Variants in FHIT observed in about 807,000 individuals in gnomAD.
The protein encoded by FHIT is bis(5'-adenosyl)-triphosphatase.
In FHIT, 19 loss-of-function variants were observed where a neutral mutation model predicts 17.9. That is an observed-to-expected ratio of 1.06 (90% confidence interval 0.74 to 1.56). The LOEUF (loss-of-function observed/expected upper bound fraction) is 1.56, where lower values mean the gene tolerates loss of function less well. Ranked by LOEUF, FHIT falls within the 40% of genes most tolerant of loss-of-function variation. The probability of loss-of-function intolerance (pLI) is 0.00; values close to 1 mark genes in which losing one functional copy is unlikely to be tolerated. For synonymous variants in FHIT, 81 were observed against 69.7 expected (o/e 1.16, Z -0.81); for missense variants, 248 against 189.2 (o/e 1.31, Z -1.82).
chr3:60,659,209 T>G (rs1553690453), intron 4 of FHIT, among the ~76,000 whole-genome samples: 1 of 152,106 alleles, frequency 6.6e-6, no homozygotes, highest in East Asian at 1.9e-4. Flanking sequence ...ATTCTCTCTT[T>G]GTCTTTCAAC....
chr3:61,193,878 T>C (rs1326668072), intron 2 of FHIT, among the ~76,000 whole-genome samples: 2 of 152,126 alleles, frequency 1.3e-5, no homozygotes, highest in Admixed American at 6.5e-5. Flanking sequence ...GCATAACAAA[T>C]GTATTTAATC....
chr3:59,849,746 G>C (rs992437132), intron 8 of FHIT, among the ~76,000 whole-genome samples: 1 of 152,174 alleles, frequency 6.6e-6, no homozygotes, highest in East Asian at 1.9e-4. Flanking sequence ...AGTAAGACTT[G>C]TAATGTTTTC....
chr3:61,103,547 AG>A (rs1405991694), intron 2 of FHIT, among the ~76,000 whole-genome samples: 1 of 152,206 alleles, frequency 6.6e-6, no homozygotes, highest in East Asian at 1.9e-4. Context: ...TGGAGTGGAG[AG>A]TTCTGTAGAT....
chr3:60,857,666 C>T (rs902049620), intron 3 of FHIT, among the ~76,000 whole-genome samples: 10 of 152,230 alleles, frequency 6.6e-5, no homozygotes, highest in African/African-American at 2.4e-4. Context: ...CCTGGTGGCT[C>T]ATGCCTGTAA....
chr3:61,186,957 T>C (rs1252859096), intron 2 of FHIT, among the ~76,000 whole-genome samples: 2 of 152,200 alleles, frequency 1.3e-5, no homozygotes, highest in African/African-American at 4.8e-5. Context: ...TGATGTTTCC[T>C]AAATAAGATT....
At chr3:61,030,031 A>T (rs1379218612) in intron 3 of FHIT, among the ~76,000 whole-genome samples, 2 of 152,148 alleles carry the variant, frequency 1.3e-5, no homozygotes, top group Non-Finnish European at 2.9e-5. Flanking sequence ...GTGCAGTGGT[A>T]CTATCTCAGC....
At chr3:61,210,038 T>A (rs1480260208) in intron 1 of FHIT, among the ~76,000 whole-genome samples, 2 of 152,230 alleles carry the variant, frequency 1.3e-5, no homozygotes, top group African/African-American at 2.4e-5. Context: ...ACAGTCAGGA[T>A]GCTCAGCTGC....
intron 6 of FHIT, among the ~76,000 whole-genome samples, chr3:60,013,206 G>C (rs1428090065): frequency 6.6e-6 from 1 of 152,196 alleles, no homozygotes; most frequent in Non-Finnish European, 1.5e-5. Context: ...CTATGGTAAA[G>C]AGCTAAGGAG....
chr3:61,189,043 T>C (rs1020939597), intron 2 of FHIT, among the ~76,000 whole-genome samples: 13 of 152,132 alleles, frequency 8.5e-5, no homozygotes, highest in South Asian at 6.2e-4. Context: ...TGCCCTCTCT[T>C]ACCACTCCTA....
At chr3:60,407,187 C>A (rs1287049593) in intron 5 of FHIT, among the ~76,000 whole-genome samples, 1 of 143,194 alleles carries the variant, frequency 7.0e-6, no homozygotes, top group African/African-American at 2.6e-5. Context: ...TACTGACAAT[C>A]ATGGATCTGG....
chr3:60,960,341 T>C (rs992901560), intron 3 of FHIT, among the ~76,000 whole-genome samples: 1 of 152,186 alleles, frequency 6.6e-6, no homozygotes, highest in East Asian at 1.9e-4. Flanking sequence ...CTGTTGCTCT[T>C]GGTTGGACTC....
intron 3 of FHIT, among the ~76,000 whole-genome samples, chr3:60,897,101 T>A (rs990194916): frequency 6.6e-6 from 1 of 152,218 alleles, no homozygotes; most frequent in Non-Finnish European, 1.5e-5. Context: ...TATCTTCTGG[T>A]GATCACTCCA....
intron 5 of FHIT, among the ~76,000 whole-genome samples, chr3:60,092,057 CAAAT>C (rs1403411927): frequency 3.3e-5 from 5 of 152,214 alleles, no homozygotes; most frequent in South Asian, 4.2e-4. Context: ...TCGTAGAAGA[CAAAT>C]AAAGGCATTT....
chr3:61,240,753 C>T (rs2040355255), intron 1 of FHIT, among the ~76,000 whole-genome samples: 2 of 152,178 alleles, frequency 1.3e-5, no homozygotes, highest in Non-Finnish European at 1.5e-5. Flanking sequence ...CCCTTCTTTA[C>T]ATAATTTTAA....
At chr3:61,126,501 A>C (rs1176189989) in intron 2 of FHIT, among the ~76,000 whole-genome samples, 2 of 152,090 alleles carry the variant, frequency 1.3e-5, no homozygotes, top group Non-Finnish European at 2.9e-5. Context: ...AAGGGCAGGG[A>C]AAACTGCCTT....
chr3:61,022,912 G>A (rs2107650100), intron 3 of FHIT, among the ~76,000 whole-genome samples: 1 of 152,318 alleles, frequency 6.6e-6, no homozygotes, highest in Non-Finnish European at 1.5e-5. Flanking sequence ...AAAGCTGGAA[G>A]CATTCCCTTT....
intron 3 of FHIT, among the ~76,000 whole-genome samples, chr3:61,014,104 A>T (rs553902198): frequency 6.6e-6 from 1 of 152,232 alleles, no homozygotes; most frequent in African/African-American, 2.4e-5. Flanking sequence ...CCAGATTCCT[A>T]CTCAAGCTGC....
chr3:60,716,298 T>G (rs563034330), intron 4 of FHIT, among the ~76,000 whole-genome samples: 1 of 152,178 alleles, frequency 6.6e-6, no homozygotes. Flanking sequence ...ACCCTTAGTT[T>G]AAAACACAAA....
At chr3:60,315,992 A>G (rs916996891) in intron 5 of FHIT, among the ~76,000 whole-genome samples, 1 of 152,214 alleles carries the variant, frequency 6.6e-6, no homozygotes, top group East Asian at 1.9e-4. Context: ...TTGTCCTTCC[A>G]TATTGACCTT....
Sources: gnomAD v4.1 joint callset for allele counts (sites outside exome capture counted in the v4.1 genomes callset) on GRCh38, gnomAD v4.1.1 for gene constraint, MANE v1.5 for transcripts, NCBI Gene and HGNC (gene_info 2026-07-23, HGNC 2026-07-21) for gene names.